RNPC3: variants seen among roughly 807,000 people sequenced by gnomAD.
The protein encoded by RNPC3 is RNA binding region (RNP1, RRM) containing 3.
A neutral mutation model predicts 67.5 loss-of-function variants in RNPC3; 48 were observed. The ratio of observed to expected loss-of-function variants is 0.71; its 90% CI spans 0.56 to 0.90. RNPC3 has a LOEUF of 0.90. Ranked by LOEUF, RNPC3 falls within the 40% of genes least tolerant of loss-of-function variation. RNPC3 has a pLI of 0.00. For synonymous variants in RNPC3, 239 were observed against 210.3 expected, an observed-to-expected ratio of 1.14 and a Z score of -1.18; for missense variants, 637 against 626.1, an observed-to-expected ratio of 1.02 and a Z score of -0.19.
intron 2 of RNPC3, among the ~76,000 whole-genome samples, chr1:103,530,884 G>A (rs1270264761): frequency 2.6e-5 from 4 of 152,160 alleles, no homozygotes; most frequent in African/African-American, 9.7e-5. Flanking sequence ...AACAGGTGGT[G>A]TTTAGTTACA....
chr1:103,539,727 A>C (rs1651075458), intron 7 of RNPC3, among the ~76,000 whole-genome samples: 1 of 152,190 alleles, frequency 6.6e-6, no homozygotes, highest in Non-Finnish European at 1.5e-5. Flanking sequence ...ACAAGACCTA[A>C]ACAAAAGAAA....
At chr1:103,551,127 CTG>C in intron 13 of RNPC3, 54 bp downstream of exon 13, 1 of 1,416,188 alleles carries the variant, frequency 7.1e-7, no homozygotes, top group Non-Finnish European at 9.5e-7. Flanking sequence ...AAGGATATAA[CTG>C]AAATTAATTT....
At chr1:103,534,649 GTTTT>G in intron 3 of RNPC3, 121 bp from the exon 4 acceptor site, 8 of 514,940 alleles carry the variant, frequency 1.6e-5, no homozygotes, top group South Asian at 2.4e-5. Context: ...ATACTTGAAA[GTTTT>G]TTTTTTTTTT....
At position 103,527,468 on chromosome 1, in the gene RNPC3, C is replaced by T. The variant is rs77606211; in HGVS notation, c.193-227C>T. 9.3e-3 allele frequency among the ~76,000 whole-genome samples: 1,408 copies of T among 152,188 alleles called. 23 individuals are homozygous for T. The highest frequency in any genetic ancestry group is 0.032 in the African/African-American group (1,345 of 41,520). On this transcript the variant is annotated intron_variant, in intron 1 of 14. Coordinates refer to ENST00000423855, the MANE Select transcript of RNPC3 (RefSeq NM_017619.4). Reference sequence around the variant, plus strand: ...TTTTGAACTATTTGCATGTGTAAAACGTGTGTCTTTATATGATAGAGGTTG... The same window carrying T: ...TTTTGAACTATTTGCATGTGTAAAATGTGTGTCTTTATATGATAGAGGTTG...
At chr1:103,530,927 T>A (rs978995898) in intron 2 of RNPC3, among the ~76,000 whole-genome samples, 3 of 152,170 alleles carry the variant, frequency 2.0e-5, no homozygotes, top group Non-Finnish European at 4.4e-5. Flanking sequence ...TTTCTGAGAT[T>A]TTGATGTACC....
intron 4 of RNPC3, 85 bp from the exon 5 acceptor site, chr1:103,535,245 T>TG: frequency 1.3e-6 from 1 of 777,576 alleles, no homozygotes; most frequent in Non-Finnish European, 2.1e-6. Context: ...ATTTGAGCAG[T>TG]GTGTTTGTTA....
intron 4 of RNPC3, 58 bp downstream of exon 4, chr1:103,534,915 A>G (rs1024298228): frequency 1.0e-6 from 1 of 992,242 alleles, no homozygotes; most frequent in South Asian, 1.6e-5. Context: ...ACAGATGTAC[A>G]GATATCTTAC....
chr1:103,534,634 G>T, intron 3 of RNPC3, 140 bp from the exon 4 acceptor site: 1 of 603,118 alleles, frequency 1.7e-6, no homozygotes, highest in Non-Finnish European at 2.9e-6. Flanking sequence ...GTGTTTGCTT[G>T]AGAAATACTT....
intron 8 of RNPC3, among the ~76,000 whole-genome samples, chr1:103,542,787 G>C (rs1004691011): frequency 6.6e-6 from 1 of 151,598 alleles, no homozygotes; most frequent in African/African-American, 2.4e-5. Flanking sequence ...AAAATATCTT[G>C]ATAACTTTTT....
intron 2 of RNPC3, among the ~76,000 whole-genome samples, chr1:103,532,984 A>G (rs1650896284): frequency 6.6e-6 from 1 of 152,070 alleles, no homozygotes; most frequent in Non-Finnish European, 1.5e-5. Context: ...AAATAGGAGC[A>G]TGTTTTCATA....
At chr1:103,540,126 C>G (rs997894769) in intron 7 of RNPC3, among the ~76,000 whole-genome samples, 2 of 152,186 alleles carry the variant, frequency 1.3e-5, no homozygotes, top group African/African-American at 4.8e-5. Context: ...CTTGGCCTCC[C>G]AAAGTGCTGG....
intron 2 of RNPC3, among the ~76,000 whole-genome samples, chr1:103,532,213 G>A (rs1650876139): frequency 6.6e-6 from 1 of 152,114 alleles, no homozygotes; most frequent in Admixed American, 6.5e-5. Flanking sequence ...CCAGTACCAT[G>A]CTGTTTTGAT....
rs769731030 is a variant in RNPC3 at position 103,551,809 on chromosome 1, CATAAT to C, written c.*12+19_*12+23del. The C allele has an allele frequency of 6.5e-5, 80 of 1,221,886 alleles. No individual in the cohort carries two copies. Among genetic ancestry groups the C allele is most frequent in the Non-Finnish European group, 9.0e-5 (80 of 887,904 alleles). The allele number at this position is 1,221,886 out of a possible 1,614,324, so 75.7% of individuals were successfully genotyped here. A position where few individuals can be genotyped will look rare whatever the true frequency, so the allele number is the denominator to read the frequency against. On this transcript the variant is annotated intron_variant, in intron 14 of 14. Transcript: ENST00000423855. ...TTAATAAAGGTAAGTGTGAATAAAA[CATAAT>C]AAAAAGACAAGACTAATTCTTGAGA... is the stretch of plus-strand genomic sequence containing the variant.
intron 14 of RNPC3, chr1:103,554,041 T>G (rs1557763115): frequency 6.6e-6 from 1 of 152,148 alleles, no homozygotes; most frequent in Admixed American, 6.6e-5. Context: ...GGCTGCACAT[T>G]GCAGTGATCT....
chr1:103,537,231 TAA>T (rs553487095), intron 6 of RNPC3, 109 bp from the exon 7 acceptor site: 2,861 of 630,522 alleles, frequency 4.5e-3, no homozygotes, highest in South Asian at 7.7e-3. Flanking sequence ...TAGAATGTGT[TAA>T]AAAAAAAAAA....
chr1:103,541,285 A>G, intron 7 of RNPC3, 65 bp from the exon 8 acceptor site: 1 of 1,209,532 alleles, frequency 8.3e-7, no homozygotes, highest in Non-Finnish European at 1.1e-6. Context: ...CGTTAATAGA[A>G]ACAGTGGTAA....
At chr1:103,526,478 G>T (rs943555718) in intron 1 of RNPC3, among the ~76,000 whole-genome samples, 1 of 152,168 alleles carries the variant, frequency 6.6e-6, no homozygotes. Flanking sequence ...GCAGAAAAGG[G>T]CAAGTGAGAA....
At chr1:103,544,172 GTGTT>G (rs1651190110) in intron 9 of RNPC3, among the ~76,000 whole-genome samples, 1 of 151,786 alleles carries the variant, frequency 6.6e-6, no homozygotes, top group Non-Finnish European at 1.5e-5. Flanking sequence ...ACATGTGTGT[GTGTT>G]TGTGTGTGTG....
At position 103,551,648 on chromosome 1, in the gene RNPC3, G is replaced by A. The variant is rs979158888; in HGVS notation, c.1495-73G>A. The A allele has an allele frequency of 6.8e-5, 65 of 951,414 alleles. No individual in the cohort carries two copies. The East Asian group carries it at 1.8e-3, about 26-fold the overall frequency. 58.9% of individuals were successfully genotyped at this position (951,414 alleles called of 1,614,324 possible). A position where few individuals can be genotyped will look rare whatever the true frequency, so the allele number is the denominator to read the frequency against. On this transcript the variant is annotated intron_variant, in intron 13 of 14. Coordinates refer to ENST00000423855, the MANE Select transcript of RNPC3 (RefSeq NM_017619.4). ...AAAACCATACTCCCACCATACACTA[G>A]AAAGTTTTTGAGAATTATTTAGAAA...
Sources: allele counts gnomAD v4.1 joint callset (sites outside exome capture counted in the v4.1 genomes callset), GRCh38; gene constraint gnomAD v4.1.1; transcripts MANE v1.5; gene names NCBI Gene and HGNC (gene_info 2026-07-23, HGNC 2026-07-21).